The following ZFAT variants were observed in gnomAD, a reference collection of about 807,000 sequenced individuals.
ZFAT encodes the protein zinc finger and AT-hook domain containing, also known as zinc finger protein ZFAT.
A neutral mutation model predicts 117.7 loss-of-function variants in ZFAT; 64 were observed. The ratio of observed to expected loss-of-function variants is 0.54; its 90% CI spans 0.44 to 0.67. The LOEUF is 0.67. Ranked by LOEUF, ZFAT falls within the 30% of genes least tolerant of loss-of-function variation. ZFAT has a pLI of 0.00. For missense variants in ZFAT, 1,433 were observed against 1,584.5 expected (o/e 0.90, Z 1.62); for synonymous variants, 679 against 615.0 (o/e 1.10, Z -1.54).
At chr8:134,780,332 C>A in the ZFAT span, among the ~76,000 whole-genome samples, 14 of 152,220 alleles carry the variant, frequency 9.2e-5, no homozygotes, top group African/African-American at 3.1e-4. Flanking sequence ...AGGCAGGTAA[C>A]TCAGTAAATG....
chr8:134,712,641 G>A (rs1328860335), intron 1 of ZFAT, among the ~76,000 whole-genome samples: 2 of 124,882 alleles, frequency 1.6e-5, no homozygotes, highest in Non-Finnish European at 3.3e-5. Context: ...TTTTTTTTGC[G>A]GCGGGATACC....
intron 11 of ZFAT, among the ~76,000 whole-genome samples, chr8:134,564,024 G>T (rs1006019191): frequency 6.6e-6 from 1 of 151,994 alleles, no homozygotes; most frequent in African/African-American, 2.4e-5. Flanking sequence ...GGCTACCTGA[G>T]ACACCCTGTA....
intron 15 of ZFAT, among the ~76,000 whole-genome samples, chr8:134,507,757 T>G (rs1035309240): frequency 1.3e-5 from 2 of 152,146 alleles, no homozygotes; most frequent in Non-Finnish European, 2.9e-5. Flanking sequence ...AGCAAATCAA[T>G]CTAGTTCTCA....
chr8:134,527,184 A>G (rs935680440), intron 12 of ZFAT, among the ~76,000 whole-genome samples: 1 of 152,212 alleles, frequency 6.6e-6, no homozygotes, highest in Non-Finnish European at 1.5e-5. Flanking sequence ...GAATGTAGGT[A>G]GCCTCTAGAG....
rs781225313 is a variant in ZFAT at position 134,600,619 on chromosome 8, G to A, written c.2292C>T (p.His764=). The change falls in exon 7 of 16, where the codon CAC becomes CAT. Residue 764 remains histidine, a synonymous_variant. Coordinates refer to ENST00000377838, the MANE Select transcript of ZFAT (RefSeq NM_020863.4). The stretch of plus-strand genomic sequence containing the variant: ...AGCAATAATACAGATGTTCCCGGGT[G>A]TGGGTGCGGACATGCATATCAAAAT... The part of the protein sequence containing the change: ...QVHFDMHVRT[H]TREHLYYCSQ... 8 of 1,613,434 alleles carry A rather than the reference G, an allele frequency of 5.0e-6. No individual in the cohort carries two copies. The highest frequency in any genetic ancestry group is 3.3e-5 in the Admixed American group (2 of 59,980).
chr8:134,791,071 C>T, the ZFAT span, among the ~76,000 whole-genome samples: 4 of 152,298 alleles, frequency 2.6e-5, no homozygotes, highest in South Asian at 8.3e-4. Flanking sequence ...TTAAAAGAGG[C>T]CCCGAGAACA....
chr8:134,587,372 C>T (rs1028795113), intron 9 of ZFAT, among the ~76,000 whole-genome samples: 1 of 152,162 alleles, frequency 6.6e-6, no homozygotes, highest in Non-Finnish European at 1.5e-5. Flanking sequence ...CTGTCAGTTA[C>T]GATTCTCATT....
At chr8:134,662,570 T>A (rs748215817) in intron 1 of ZFAT, among the ~76,000 whole-genome samples, 2 of 152,126 alleles carry the variant, frequency 1.3e-5, no homozygotes, top group Non-Finnish European at 2.9e-5. Context: ...GCAGGCACCC[T>A]CATCAGGCCT....
intron 7 of ZFAT, among the ~76,000 whole-genome samples, chr8:134,596,904 C>T (rs1329403284): frequency 6.6e-6 from 1 of 151,774 alleles, no homozygotes; most frequent in East Asian, 1.9e-4. Flanking sequence ...GGGATGGCAG[C>T]TGATGGGTAC....
intron 1 of ZFAT, among the ~76,000 whole-genome samples, chr8:134,694,719 C>T (rs963281158): frequency 6.6e-6 from 1 of 152,152 alleles, no homozygotes; most frequent in Middle Eastern, 3.2e-3. Context: ...GCAGAAACTT[C>T]AGCTCTCGTG....
Position 134,641,331 on chromosome 8 carries a change from T to C in ZFAT, c.197-3619A>G, listed in dbSNP as rs566504725. 1.4e-3 allele frequency among the ~76,000 whole-genome samples: 211 copies of C among 152,272 alleles called. 1 individual carries two copies. The highest frequency in any genetic ancestry group is 4.9e-3 in the African/African-American group (204 of 41,558). Reference sequence around the variant, plus strand: ...GCAATTTTCTAGACCTCCCCAAATATACACAGAGAATCCCCGTCTCTTTTC... The same window carrying C: ...GCAATTTTCTAGACCTCCCCAAATACACACAGAGAATCCCCGTCTCTTTTC... On this transcript the variant is annotated intron_variant, in intron 2 of 15. Coordinates refer to ENST00000377838, the MANE Select transcript of ZFAT (RefSeq NM_020863.4).
intron 1 of ZFAT, among the ~76,000 whole-genome samples, chr8:134,697,756 A>G (rs1024557857): frequency 2.0e-5 from 3 of 149,160 alleles, no homozygotes; most frequent in Admixed American, 1.3e-4. Flanking sequence ...ACTAAAAAAA[A>G]AAAAGAAAAA....
chr8:134,660,478 T>C (rs1164126133), intron 1 of ZFAT, among the ~76,000 whole-genome samples: 3 of 152,158 alleles, frequency 2.0e-5, no homozygotes, highest in African/African-American at 7.2e-5. Flanking sequence ...CCCCAGACAC[T>C]GGAGACAGAG....
chr8:134,816,865 C>T, the ZFAT span, among the ~76,000 whole-genome samples: 4 of 151,700 alleles, frequency 2.6e-5, no homozygotes, highest in Non-Finnish European at 5.9e-5. Flanking sequence ...CCTATAATCC[C>T]AGCTACTCAG....
chr8:134,780,272 C>T, the ZFAT span, among the ~76,000 whole-genome samples: 1 of 152,188 alleles, frequency 6.6e-6, no homozygotes, highest in East Asian at 1.9e-4. Context: ...TTGCTAGAGG[C>T]AACCAGTGTG....
the ZFAT span, among the ~76,000 whole-genome samples, chr8:134,734,301 G>C: frequency 2.0e-5 from 3 of 152,236 alleles, no homozygotes; most frequent in Admixed American, 2.0e-4. Flanking sequence ...CTGTCGCTTC[G>C]GGCTGCTCCC....
chr8:134,673,025 A>G lies in ZFAT; in HGVS notation c.20-15288T>C, dbSNP rs376700991. ...AAATTACGTTTGACGGTTGAAACAA[A>G]AAGCCTATCTCTGTGGGAAGTGGTT... On this transcript the variant is annotated intron_variant, in intron 1 of 15. Transcript: ENST00000377838. The G allele has an allele frequency of 1.9e-4, 29 of 152,340 alleles. No individual in the cohort carries two copies. In the East Asian group the frequency reaches 5.0e-3, roughly 26 times the overall value. 9.4% of individuals were successfully genotyped at this position (152,340 alleles called of 1,614,324 possible).
At chr8:134,826,883 A>C in the ZFAT span, among the ~76,000 whole-genome samples, 7 of 152,360 alleles carry the variant, frequency 4.6e-5, no homozygotes, top group African/African-American at 1.7e-4. Flanking sequence ...TTACAAATGA[A>C]CTTTGTATTG....
At chr8:134,568,512 C>G (rs1424604104) in intron 10 of ZFAT, among the ~76,000 whole-genome samples, 1 of 152,192 alleles carries the variant, frequency 6.6e-6, no homozygotes, top group Non-Finnish European at 1.5e-5. Flanking sequence ...GAACCATTCT[C>G]TAAGTTGATA....
Sources: allele counts gnomAD v4.1 joint callset (sites outside exome capture counted in the v4.1 genomes callset), GRCh38; gene constraint gnomAD v4.1.1; transcripts MANE v1.5; gene names NCBI Gene and HGNC (gene_info 2026-07-23, HGNC 2026-07-21).